ARID1B: variants seen among roughly 807,000 people sequenced by gnomAD.
ARID1B encodes AT-rich interactive domain-containing protein 1B.
ARID1B carries 30 observed loss-of-function variants against 212.3 expected under a neutral mutation model. The observed-to-expected ratio is 0.14, with a 90% confidence interval of 0.11 to 0.19. ARID1B has a LOEUF of 0.19. Among genes scored for constraint, ARID1B ranks in the 10% least tolerant of loss-of-function variants. The pLI is 1.00. For synonymous variants in ARID1B, 1,402 were observed against 1,301.7 expected (o/e 1.08, Z -1.66); for missense variants, 2,891 against 3,204.0 (o/e 0.90, Z 2.36).
chr6:157,089,713 A>T (rs987201665), intron 5 of ARID1B, among the ~76,000 whole-genome samples: 1 of 152,144 alleles, frequency 6.6e-6, no homozygotes, highest in Non-Finnish European at 1.5e-5. Context: ...CTTCATACTG[A>T]TGTATTTATA....
At chr6:156,825,776 C>G (rs1360382343) in intron 1 of ARID1B, among the ~76,000 whole-genome samples, 1 of 152,254 alleles carries the variant, frequency 6.6e-6, no homozygotes, top group Non-Finnish European at 1.5e-5. Context: ...TACTCAGCCT[C>G]TCCATAGGTC....
chr6:157,044,941 CACAG>C (rs1782131033), intron 4 of ARID1B, among the ~76,000 whole-genome samples: 1 of 152,084 alleles, frequency 6.6e-6, no homozygotes, highest in Non-Finnish European at 1.5e-5. Flanking sequence ...ATGTAGATGA[CACAG>C]ACAGTTTTTA....
intron 2 of ARID1B, among the ~76,000 whole-genome samples, chr6:156,894,658 C>G (rs1361366732): frequency 6.6e-6 from 1 of 152,152 alleles, no homozygotes; most frequent in Non-Finnish European, 1.5e-5. Context: ...TTCATAGATT[C>G]TTTTCCTCCA....
chr6:157,062,749 G>A (rs1783427340), intron 4 of ARID1B, among the ~76,000 whole-genome samples: 1 of 148,206 alleles, frequency 6.7e-6, no homozygotes, highest in African/African-American at 2.5e-5. Flanking sequence ...TGTTGCCCAA[G>A]CTGGAATGCA....
intron 1 of ARID1B, among the ~76,000 whole-genome samples, chr6:156,782,162 T>C (rs147504007): frequency 6.6e-6 from 1 of 151,934 alleles, no homozygotes; most frequent in African/African-American, 2.4e-5. Flanking sequence ...GTAATTATAC[T>C]AAGAAACAGT....
chr6:156,887,415 A>T (rs536561826), intron 2 of ARID1B, among the ~76,000 whole-genome samples: 4 of 152,138 alleles, frequency 2.6e-5, no homozygotes, highest in African/African-American at 9.7e-5. Flanking sequence ...ACTTTTCTCC[A>T]TTGCTATGTT....
At chr6:156,970,766 A>G (rs1036610784) in intron 4 of ARID1B, among the ~76,000 whole-genome samples, 26 of 152,292 alleles carry the variant, frequency 1.7e-4, no homozygotes, top group Middle Eastern at 6.8e-3. Context: ...GGAGCAGGTG[A>G]CTGCCTTTTG....
chr6:156,837,112 T>G (rs921356981), intron 2 of ARID1B, among the ~76,000 whole-genome samples: 2 of 152,244 alleles, frequency 1.3e-5, no homozygotes, highest in African/African-American at 4.8e-5. Flanking sequence ...ATTAGCAAAT[T>G]GTTGGTATCA....
chr6:157,136,079 G>A (rs1788886992), intron 7 of ARID1B, among the ~76,000 whole-genome samples: 1 of 152,120 alleles, frequency 6.6e-6, no homozygotes, highest in Admixed American at 6.5e-5. Flanking sequence ...ACTATGTCCT[G>A]GGTCCTATTT....
chr6:156,970,985 G>T (rs1201597325), intron 4 of ARID1B, among the ~76,000 whole-genome samples: 1 of 152,186 alleles, frequency 6.6e-6, no homozygotes, highest in African/African-American at 2.4e-5. Flanking sequence ...AGCCGGTGGA[G>T]CCCTGATGCT....
chr6:157,194,439 T>C (rs980635425), intron 15 of ARID1B: 2 of 152,234 alleles, frequency 1.3e-5, no homozygotes, highest in Non-Finnish European at 2.9e-5. Flanking sequence ...CAGCTTTTGC[T>C]TCACATAACA....
chr6:156,958,230 C>T (rs1794109319), intron 4 of ARID1B, among the ~76,000 whole-genome samples: 1 of 152,144 alleles, frequency 6.6e-6, no homozygotes, highest in African/African-American at 2.4e-5. Flanking sequence ...GTCACAGCTC[C>T]ACACCTAGGA....
At chr6:157,036,621 G>A (rs939024057) in intron 4 of ARID1B, 9 of 324,514 alleles carry the variant, frequency 2.8e-5, no homozygotes, top group African/African-American at 1.5e-4. Flanking sequence ...AGGAGCTCCC[G>A]CCGTCTTATA....
chr6:156,924,208 G>A (rs1429318153), intron 3 of ARID1B, among the ~76,000 whole-genome samples: 2 of 152,192 alleles, frequency 1.3e-5, no homozygotes, highest in Non-Finnish European at 2.9e-5. Context: ...AAGACCCCCA[G>A]TGGATGCCTG....
chr6:156,897,220 T>TGCC (rs1562468303), intron 2 of ARID1B, among the ~76,000 whole-genome samples: 2 of 74,472 alleles, frequency 2.7e-5, no homozygotes, highest in African/African-American at 4.5e-5. Flanking sequence ...CTGCTGCTGC[T>TGCC]TCTTCTTCTT....
chr6:157,189,228 C>T (rs1254487970), intron 13 of ARID1B, among the ~76,000 whole-genome samples: 1 of 152,158 alleles, frequency 6.6e-6, no homozygotes, highest in African/African-American at 2.4e-5. Context: ...CGAGTTGATG[C>T]ACAAAAATTT....
intron 1 of ARID1B, among the ~76,000 whole-genome samples, chr6:156,805,121 T>C (rs1363997508): frequency 2.0e-5 from 3 of 152,248 alleles, no homozygotes; most frequent in Non-Finnish European, 4.4e-5. Flanking sequence ...CTTATACTAC[T>C]CTGGCAGGAA....
intron 1 of ARID1B, among the ~76,000 whole-genome samples, chr6:156,814,737 T>C (rs940136191): frequency 1.3e-5 from 2 of 152,198 alleles, no homozygotes; most frequent in East Asian, 1.9e-4. Flanking sequence ...GTAGAATCTT[T>C]GGCTAGTTTG....
At chr6:157,161,476 A>G (rs1184723753) in intron 8 of ARID1B, among the ~76,000 whole-genome samples, 1 of 148,544 alleles carries the variant, frequency 6.7e-6, no homozygotes, top group Non-Finnish European at 1.5e-5. Context: ...GGCACATAGT[A>G]GTTTTCCCTC....
Sources: gnomAD v4.1 joint callset for allele counts (sites outside exome capture counted in the v4.1 genomes callset) on GRCh38, gnomAD v4.1.1 for gene constraint, MANE v1.5 for transcripts, NCBI Gene and HGNC (gene_info 2026-07-23, HGNC 2026-07-21) for gene names.